Variants in GINS4 observed in about 807,000 individuals in gnomAD.
The protein encoded by GINS4 is GINS complex subunit 4.
Under a neutral mutation model 31.1 loss-of-function variants are expected in GINS4, and 20 were observed. That is an observed-to-expected ratio of 0.64 (90% CI 0.45 to 0.93). The LOEUF (loss-of-function observed/expected upper bound fraction) is 0.93. GINS4 is among the 40% of genes least tolerant of loss of function. The pLI, the probability that GINS4 is intolerant of heterozygous loss-of-function variation, is 0.00. For synonymous variants in GINS4, 85 were observed against 97.9 expected (o/e 0.87, Z 0.78); for missense variants, 245 against 273.9 (o/e 0.89, Z 0.75).
rs1480676796 is a variant in GINS4, at chr8:41,544,812, GAGCTCC to G, written c.*2726_*2731del. The G allele has an allele frequency of 6.6e-6, 1 of 151,908 alleles. No individual in the cohort carries two copies. The highest frequency in any genetic ancestry group is 1.5e-5 in the Non-Finnish European group (1 of 68,000). 9.4% of individuals were successfully genotyped at this position (151,908 alleles called of 1,614,324 possible). On this transcript the variant is annotated 3_prime_UTR_variant, in exon 8 of 8. Coordinates refer to ENST00000276533, the MANE Select transcript of GINS4 (RefSeq NM_032336.3). The stretch of plus-strand genomic sequence containing the variant: ...AGGTCCAGGATCCTGCCTTTCTAAG[GAGCTCC>G]CATGTTGTGCAGTTGCTGCTGGCCC...
intron 5 of GINS4, 61 bp from the exon 6 acceptor site, chr8:41,539,855 T>C (rs1806806048): frequency 6.3e-7 from 1 of 1,586,224 alleles, no homozygotes; most frequent in Non-Finnish European, 8.7e-7. Flanking sequence ...CGCTGCTGCC[T>C]GCTAACCTTG....
In GINS4 at chr8:41,537,301, G is replaced by A. The variant is rs368441095; in HGVS notation, c.297+8G>A. On this transcript the variant is annotated splice_region_variant and intron_variant, in intron 4 of 7. Transcript: ENST00000276533. ...CGGTGTCGCCTCATGAAGGTTTGAC[G>A]TGGAGATACCTGGAGGGATTGAGAC... 21 of 1,578,706 alleles carry A rather than the reference G, an allele frequency of 1.3e-5. No individual in the cohort carries two copies. The East Asian group carries it at 2.0e-4, about 15-fold the overall frequency.
chr8:41,531,587 T>G (rs889253495), intron 2 of GINS4, among the ~76,000 whole-genome samples: 1 of 152,192 alleles, frequency 6.6e-6, no homozygotes, highest in Non-Finnish European at 1.5e-5. Context: ...TAGCAGTGAT[T>G]CTTAATCTGT....
At chr8:41,541,782 C>A in intron 6 of GINS4, 27 bp from the exon 7 acceptor site, 1 of 1,582,234 alleles carries the variant, frequency 6.3e-7, no homozygotes, top group Non-Finnish European at 8.7e-7. Flanking sequence ...CGAGGATTTC[C>A]TAATCACATT....
chr8:41,533,436 T>C (rs1318852557), intron 2 of GINS4, among the ~76,000 whole-genome samples: 1 of 152,214 alleles, frequency 6.6e-6, no homozygotes, highest in African/African-American at 2.4e-5. Flanking sequence ...GCGGGGGTTC[T>C]GACAGCACAG....
At chr8:41,540,409 G>A (rs1490917197) in intron 6 of GINS4, 3 of 221,318 alleles carry the variant, frequency 1.4e-5, no homozygotes, top group African/African-American at 2.3e-5. Context: ...CACAGGGCTC[G>A]CCTAGCTGGA....
At chr8:41,535,631 A>G (rs1023987681) in intron 2 of GINS4, among the ~76,000 whole-genome samples, 1 of 152,202 alleles carries the variant, frequency 6.6e-6, no homozygotes, top group African/African-American at 2.4e-5. Context: ...ATTCTGAGCT[A>G]TGCTAAAACT....
At position 41,537,181 on chromosome 8, in the gene GINS4, A is replaced by G. The variant is rs750847434; in HGVS notation, c.185A>G (p.Glu62Gly). The G allele has an allele frequency of 6.2e-7, 1 of 1,600,720 alleles. No homozygotes were observed. Among genetic ancestry groups the G allele is most frequent in the Non-Finnish European group, 8.6e-7 (1 of 1,167,904 alleles). ...ECVMEQLEHM[E>G]ENLRRAKRED... ...AAACCTTAATTTCTCATTTAATAGG[A>G]AGAAAATCTCAGGAGAGCCAAAAGG... Residue 62 changes from glutamate (E) to glycine (G), a missense_variant and splice_region_variant, in exon 4 of 8, where the codon GAA (glutamate) becomes GGA (glycine). Coordinates refer to ENST00000276533, the MANE Select transcript of GINS4 (RefSeq NM_032336.3).
intron 2 of GINS4, chr8:41,534,291 C>A: frequency 2.4e-6 from 1 of 409,052 alleles, no homozygotes; most frequent in South Asian, 1.8e-5. Flanking sequence ...CCTTTAGTCC[C>A]AGCTACTCTG....
At chr8:41,536,940 A>T (rs952314481) in intron 3 of GINS4, 6 of 488,426 alleles carry the variant, frequency 1.2e-5, no homozygotes, top group African/African-American at 1.2e-4. Flanking sequence ...TGTGTGCTGT[A>T]CTATCTCCCT....
chr8:41,541,192 C>T (rs1419822284), intron 6 of GINS4, among the ~76,000 whole-genome samples: 1 of 152,132 alleles, frequency 6.6e-6, no homozygotes, highest in Non-Finnish European at 1.5e-5. Flanking sequence ...ACCTCAGCTT[C>T]CCAAGTAGCT....
In GINS4 at chr8:41,539,244, C is replaced by T. The variant is rs141817918; in HGVS notation, c.298-434C>T. ...CTGAGGCCGGAGAATCACTTGAACC[C>T]GAGAGTTGGAGGTTGCAGTGAGCTG... On this transcript the variant is annotated intron_variant, in intron 4 of 7. Coordinates refer to ENST00000276533, the MANE Select transcript of GINS4 (RefSeq NM_032336.3). Among the ~76,000 whole-genome samples, 1,358 of 140,498 alleles carry T rather than the reference C, an allele frequency of 9.7e-3. 23 individuals carry two copies. The highest frequency in any genetic ancestry group is 0.034 in the African/African-American group (1,272 of 36,904). 92.2% of individuals were successfully genotyped at this position (140,498 alleles called of 152,430 possible).
intron 2 of GINS4, among the ~76,000 whole-genome samples, chr8:41,531,087 ACATGGTAAAAT>A (rs1226308671): frequency 5.3e-5 from 8 of 152,326 alleles, no homozygotes; most frequent in African/African-American, 1.9e-4. Flanking sequence ...AGCCTTACCA[ACATGGTAAAAT>A]CCCGTCTCTA....
Position 41,541,836 on chromosome 8 carries a change from T to G in GINS4, c.512T>G (p.Val171Gly). 6.2e-7 allele frequency: 1 copy of G among 1,614,150 alleles called. No individual in the cohort carries two copies. The highest frequency in any genetic ancestry group is 8.5e-7 in the Non-Finnish European group (1 of 1,179,976). The change falls in exon 7 of 8, where the codon GTG (valine) becomes GGG (glycine). Residue 171 changes from valine to glycine, a missense_variant. By Grantham distance (109) the Val-to-Gly change is moderately radical. Coordinates refer to ENST00000276533, the MANE Select transcript of GINS4 (RefSeq NM_032336.3). ...CCCAAACCAGATCTAGATTCTTACG[T>G]GTTTCTGAGAGTGAGAGAACGACAA... ...AVPKPDLDSY[V>G]FLRVRERQEN...
chr8:41,533,293 T>A (rs941458316), intron 2 of GINS4, among the ~76,000 whole-genome samples: 1 of 152,252 alleles, frequency 6.6e-6, no homozygotes, highest in Non-Finnish European at 1.5e-5. Context: ...CCTTGGGTGA[T>A]GTGGCACACT....
chr8:41,540,708 C>G (rs1386581155), intron 6 of GINS4, among the ~76,000 whole-genome samples: 1 of 152,196 alleles, frequency 6.6e-6, no homozygotes, highest in East Asian at 1.9e-4. Context: ...CAAGCAAGAC[C>G]TCCTCAGGCA....
chr8:41,540,048 G>A (rs747470640), intron 6 of GINS4, 44 bp downstream of exon 6: 31 of 1,303,494 alleles, frequency 2.4e-5, no homozygotes, highest in South Asian at 2.1e-4. Context: ...CCATCCTCAG[G>A]TGTCCCAGGG....
chr8:41,531,895 G>C (rs138392957), intron 2 of GINS4, among the ~76,000 whole-genome samples: 5 of 152,332 alleles, frequency 3.3e-5, no homozygotes, highest in African/African-American at 1.2e-4. Flanking sequence ...AGGTTCAAGC[G>C]ATTCTCCTGC....
chr8:41,531,734 C>T (rs1806650601), intron 2 of GINS4, among the ~76,000 whole-genome samples: 1 of 152,092 alleles, frequency 6.6e-6, no homozygotes, highest in Non-Finnish European at 1.5e-5. Flanking sequence ...CACCCACAGA[C>T]CTAGTTTGTG....
Sources: gnomAD v4.1 joint callset for allele counts (sites outside exome capture counted in the v4.1 genomes callset) on GRCh38, gnomAD v4.1.1 for gene constraint, MANE v1.5 for transcripts, NCBI Gene and HGNC (gene_info 2026-07-23, HGNC 2026-07-21) for gene names.